AGMO: variants seen among roughly 807,000 people sequenced by gnomAD.
AGMO encodes the protein alkylglycerol monooxygenase.
A neutral mutation model predicts 60.2 loss-of-function variants in AGMO; 75 were observed. That is an observed-to-expected ratio of 1.25 (90% CI 1.03 to 1.51). AGMO has a LOEUF of 1.51. AGMO is among the 40% of genes most tolerant of loss of function. AGMO has a pLI of 0.00. For synonymous variants in AGMO, 261 were observed against 177.1 expected, an observed-to-expected ratio of 1.47 and a Z score of -3.76; for missense variants, 763 against 525.5, an observed-to-expected ratio of 1.45 and a Z score of -4.42.
intron 3 of AGMO, among the ~76,000 whole-genome samples, chr7:15,500,832 T>C (rs1783365822): frequency 6.6e-6 from 1 of 151,968 alleles, no homozygotes; most frequent in African/African-American, 2.4e-5. Flanking sequence ...TTTAGTGCTC[T>C]AAGGTTCCCT....
intron 12 of AGMO, among the ~76,000 whole-genome samples, chr7:15,279,875 A>C (rs1314585251): frequency 6.6e-6 from 1 of 152,190 alleles, no homozygotes. Context: ...ATCAAGGAAG[A>C]AGCAACAGTA....
downstream of AGMO, among the ~76,000 whole-genome samples, chr7:15,198,231 G>GAC (rs1563030412): frequency 1.8e-4 from 21 of 116,766 alleles, no homozygotes; most frequent in African/African-American, 7.7e-4. Context: ...GAGAGAGAGA[G>GAC]AGAGAGAGAG....
At chr7:15,265,530 G>A (rs529974432) in intron 12 of AGMO, among the ~76,000 whole-genome samples, 2 of 151,868 alleles carry the variant, frequency 1.3e-5, no homozygotes, top group South Asian at 4.2e-4. Context: ...CAGATCAAAA[G>A]ATATTCAAAA....
chr7:15,306,752 AAT>A (rs1780626844), intron 12 of AGMO, among the ~76,000 whole-genome samples: 2 of 152,116 alleles, frequency 1.3e-5, no homozygotes, highest in Admixed American at 1.3e-4. Context: ...TAGGCTGAGG[AAT>A]ATGTCCCTAA....
intron 4 of AGMO, among the ~76,000 whole-genome samples, chr7:15,424,157 T>C (rs1043130953): frequency 6.6e-6 from 1 of 152,130 alleles, no homozygotes; most frequent in African/African-American, 2.4e-5. Flanking sequence ...CGGTTCTCAG[T>C]GCAAACACTT....
chr7:15,381,641 T>A (rs544247307), intron 10 of AGMO, among the ~76,000 whole-genome samples: 6 of 152,182 alleles, frequency 3.9e-5, no homozygotes, highest in African/African-American at 1.4e-4. Context: ...AAGACAGGAA[T>A]ACTATTCCAC....
intron 2 of AGMO, among the ~76,000 whole-genome samples, chr7:15,547,211 T>C (rs1221101469): frequency 1.3e-5 from 2 of 151,348 alleles, no homozygotes; most frequent in Admixed American, 1.3e-4. Context: ...ACTACAAAAA[T>C]GTCTCCAGAT....
chr7:15,268,350 G>A (rs1365385692), intron 12 of AGMO, among the ~76,000 whole-genome samples: 1 of 151,886 alleles, frequency 6.6e-6, no homozygotes, highest in African/African-American at 2.4e-5. Context: ...ATCCCTCACT[G>A]TTACCTCTTC....
At chr7:15,384,361 C>G (rs943121444) in intron 10 of AGMO, among the ~76,000 whole-genome samples, 1 of 152,134 alleles carries the variant, frequency 6.6e-6, no homozygotes, top group Non-Finnish European at 1.5e-5. Context: ...ACAGCTAGGA[C>G]AACTATCAGA....
downstream of AGMO, among the ~76,000 whole-genome samples, chr7:15,195,779 G>A (rs566933171): frequency 1.3e-5 from 2 of 152,082 alleles, no homozygotes; most frequent in Non-Finnish European, 2.9e-5. Flanking sequence ...ACCTTACCGA[G>A]GACTTCCTTA....
chr7:15,387,331 G>T lies in AGMO; in HGVS notation c.957+75C>A, dbSNP rs4541808. ...TTTTACAGATTTGCATGAAAACAGC[G>T]TATGTACAGGCTGGCTGTAGACCTG... On this transcript the variant is annotated intron_variant, in intron 9 of 12. Coordinates refer to ENST00000342526, the MANE Select transcript of AGMO (RefSeq NM_001004320.2). 4 of 1,500,552 alleles carry T rather than the reference G, an allele frequency of 2.7e-6. No homozygotes were observed. The South Asian group carries it at 3.7e-5, about 14-fold the overall frequency. The allele number at this position is 1,500,552 out of a possible 1,614,324, so 93.0% of individuals were successfully genotyped here.
At position 15,270,900 on chromosome 7, in the gene AGMO, C is replaced by T. The variant is rs117054154; in HGVS notation, c.1264-69541G>A. 6.3e-4 allele frequency among the ~76,000 whole-genome samples: 95 copies of T among 152,000 alleles called. No homozygotes were observed. In the East Asian group the frequency reaches 0.017, roughly 27 times the overall value. On this transcript the variant is annotated intron_variant, in intron 12 of 12. Transcript: ENST00000342526. ...TCATATGGCTAGCCAATTTTCCACACACCATTTAGTGAATAGGGTGTCATT... is the reference window on the plus strand; with the variant it reads ...TCATATGGCTAGCCAATTTTCCACATACCATTTAGTGAATAGGGTGTCATT...
chr7:15,480,760 T>C (rs1325425258), intron 3 of AGMO, among the ~76,000 whole-genome samples: 2 of 152,114 alleles, frequency 1.3e-5, no homozygotes, highest in Non-Finnish European at 2.9e-5. Flanking sequence ...TAAAGAAAAT[T>C]ATTGTCAAAG....
At chr7:15,272,207 G>T (rs1266872618) in intron 12 of AGMO, among the ~76,000 whole-genome samples, 1 of 151,384 alleles carries the variant, frequency 6.6e-6, no homozygotes, top group Non-Finnish European at 1.5e-5. Context: ...GTATACATGT[G>T]CCATGTTGGT....
At chr7:15,415,885 T>G (rs1254964728) in intron 5 of AGMO, among the ~76,000 whole-genome samples, 1 of 152,112 alleles carries the variant, frequency 6.6e-6, no homozygotes, top group Admixed American at 6.6e-5. Context: ...CTGCAGAGGC[T>G]TTAGATCCAT....
At chr7:15,423,371 G>C (rs1186946571) in intron 4 of AGMO, among the ~76,000 whole-genome samples, 1 of 152,102 alleles carries the variant, frequency 6.6e-6, no homozygotes, top group African/African-American at 2.4e-5. Flanking sequence ...TGAAATAAGA[G>C]TTTGTGTTTC....
chr7:15,248,220 A>C (rs1213565371), intron 12 of AGMO, among the ~76,000 whole-genome samples: 3 of 110,896 alleles, frequency 2.7e-5, no homozygotes, highest in African/African-American at 9.9e-5. Flanking sequence ...ATATATATAT[A>C]TATATCTTCA....
At chr7:15,269,948 A>T (rs983273288) in intron 12 of AGMO, among the ~76,000 whole-genome samples, 5 of 152,024 alleles carry the variant, frequency 3.3e-5, no homozygotes, top group Admixed American at 2.0e-4. Flanking sequence ...ATTTCATTCA[A>T]TTTTATTATG....
rs575510540 is a variant in AGMO at position 15,393,240 on chromosome 7, G to A, written c.676+873C>T. On this transcript the variant is annotated intron_variant, in intron 6 of 12. Coordinates refer to ENST00000342526, the MANE Select transcript of AGMO (RefSeq NM_001004320.2). ...TACTCGACTCCCTGCCATAAAGATA[G>A]GGACCTGCCCTTCTTGGAAAGGCAG... Among the ~76,000 whole-genome samples the A allele has an allele frequency of 6.3e-4, 96 of 152,314 alleles. 1 individual carries two copies. Among genetic ancestry groups the A allele is most frequent in the South Asian group, 2.1e-3 (10 of 4,828 alleles).
Sources: gnomAD v4.1 joint callset for allele counts (sites outside exome capture counted in the v4.1 genomes callset) on GRCh38, gnomAD v4.1.1 for gene constraint, MANE v1.5 for transcripts, NCBI Gene and HGNC (gene_info 2026-07-23, HGNC 2026-07-21) for gene names.